The following GRIN3A variants were observed in gnomAD, a reference collection of about 807,000 sequenced individuals.
The protein encoded by GRIN3A is glutamate ionotropic receptor NMDA type subunit 3A.
GRIN3A carries 47 observed loss-of-function variants against 92.4 expected under a neutral mutation model. The ratio of observed to expected loss-of-function variants is 0.51; its 90% CI spans 0.40 to 0.65. The LOEUF (loss-of-function observed/expected upper bound fraction) is 0.65. GRIN3A is among the 30% of genes least tolerant of loss of function. The pLI, the probability that GRIN3A is intolerant of heterozygous loss-of-function variation, is 0.00. For synonymous variants in GRIN3A, 527 were observed against 540.6 expected, an observed-to-expected ratio of 0.97 and a Z score of 0.35; for missense variants, 1,324 against 1,393.1, an observed-to-expected ratio of 0.95 and a Z score of 0.79.
chr9:101,676,946 C>T (rs553379712), intron 2 of GRIN3A, among the ~76,000 whole-genome samples: 8 of 150,914 alleles, frequency 5.3e-5, no homozygotes, highest in East Asian at 2.0e-4. Context: ...ATATCTACGA[C>T]GAATCTTCTA....
intron 3 of GRIN3A, among the ~76,000 whole-genome samples, chr9:101,648,990 T>A (rs73500929): frequency 0.089 from 13,534 of 152,044 alleles, 875 homozygotes; most frequent in East Asian, 0.22. Context: ...TGTCATTGTT[T>A]CCCCATCAGA....
At chr9:101,607,527 C>T (rs1311528575) in intron 6 of GRIN3A, among the ~76,000 whole-genome samples, 1 of 152,170 alleles carries the variant, frequency 6.6e-6, no homozygotes, top group Non-Finnish European at 1.5e-5. Flanking sequence ...GGTTCTTCCA[C>T]ACTGTGCCTT....
At chr9:101,635,142 T>G (rs925601797) in intron 3 of GRIN3A, among the ~76,000 whole-genome samples, 1 of 152,228 alleles carries the variant, frequency 6.6e-6, no homozygotes, top group African/African-American at 2.4e-5. Context: ...TTAGGTCAGC[T>G]AATCTCTAGT....
intron 1 of GRIN3A, among the ~76,000 whole-genome samples, chr9:101,706,004 A>G (rs1347295646): frequency 6.6e-6 from 1 of 152,192 alleles, no homozygotes; most frequent in East Asian, 1.9e-4. Context: ...AAAAAAAACG[A>G]GAAGCAAGAA....
intron 2 of GRIN3A, among the ~76,000 whole-genome samples, chr9:101,685,531 CAGA>C (rs1829522999): frequency 6.6e-6 from 1 of 151,710 alleles, no homozygotes; most frequent in Admixed American, 6.6e-5. Context: ...GGTCCTTTTT[CAGA>C]AGAAAGTCTA....
intron 3 of GRIN3A, among the ~76,000 whole-genome samples, chr9:101,660,327 T>C (rs1167910709): frequency 6.6e-6 from 1 of 151,846 alleles, no homozygotes; most frequent in Non-Finnish European, 1.5e-5. Context: ...ATATACAATG[T>C]CCTGGCTCAA....
intron 1 of GRIN3A, among the ~76,000 whole-genome samples, chr9:101,712,768 A>T (rs548994422): frequency 2.0e-5 from 3 of 152,346 alleles, no homozygotes; most frequent in Admixed American, 6.5e-5. Flanking sequence ...AAAATATGAG[A>T]TCGTTATTCC....
At chr9:101,682,673 TTAAC>T (rs1352330556) in intron 2 of GRIN3A, among the ~76,000 whole-genome samples, 1 of 152,226 alleles carries the variant, frequency 6.6e-6, no homozygotes, top group South Asian at 2.1e-4. Context: ...ATTGCTCCAA[TTAAC>T]TAACATTTAA....
At chr9:101,638,706 A>G (rs1178716579) in intron 3 of GRIN3A, among the ~76,000 whole-genome samples, 2 of 152,240 alleles carry the variant, frequency 1.3e-5, no homozygotes, top group Non-Finnish European at 2.9e-5. Context: ...TAGCTAACCA[A>G]CTTCTATAAG....
chr9:101,679,025 A>AT (rs1829435300), intron 2 of GRIN3A, among the ~76,000 whole-genome samples: 1 of 152,156 alleles, frequency 6.6e-6, no homozygotes, highest in Non-Finnish European at 1.5e-5. Context: ...AACTCAATTC[A>AT]TTCTGGCTCT....
chr9:101,671,096 T>C lies in GRIN3A; in HGVS notation c.1316A>G (p.Asn439Ser). 2 of 1,612,988 alleles carry C rather than the reference T, an allele frequency of 1.2e-6. No homozygotes were observed. Among genetic ancestry groups the C allele is most frequent in the Non-Finnish European group, 1.7e-6 (2 of 1,179,004 alleles). The change falls in exon 3 of 9, where the codon AAT becomes AGT. Residue 439 changes from asparagine (N) to serine (S), a missense_variant. Asn to Ser is a conservative substitution (Grantham distance 46). Transcript: ENST00000361820. ...SGQYLSRFLA[N>S]TTFRGLSGSI... ...ACCACTGAGGCCTCTGAAAGTGGTA[T>C]TGGCTAGAAACCTGGGAAAGAGGAG...
chr9:101,714,437 A>C (rs1008904341), intron 1 of GRIN3A, among the ~76,000 whole-genome samples: 6 of 152,234 alleles, frequency 3.9e-5, no homozygotes, highest in Non-Finnish European at 7.3e-5. Context: ...CTTACAGGAT[A>C]TAGAACAAAA....
At chr9:101,716,863 C>T (rs973520301) in intron 1 of GRIN3A, among the ~76,000 whole-genome samples, 1 of 152,120 alleles carries the variant, frequency 6.6e-6, no homozygotes, top group Non-Finnish European at 1.5e-5. Context: ...TTAAAAAAAT[C>T]CAGTCTGGCT....
rs1017813438 is a variant in GRIN3A, at chr9:101,571,801, C to G, written c.*1373G>C. On this transcript the variant is annotated 3_prime_UTR_variant, in exon 9 of 9. Transcript: ENST00000361820. The stretch of plus-strand genomic sequence containing the variant: ...TTGGTTAACAGTAGGTTTCTGAGCT[C>G]ACCTCTAGACCTCCACCCCCAACCC... The G allele has an allele frequency of 2.6e-5, 4 of 152,146 alleles. No homozygotes were observed. Among genetic ancestry groups the G allele is most frequent in the Non-Finnish European group, 5.9e-5 (4 of 68,058 alleles). 9.4% of individuals were successfully genotyped at this position (152,146 alleles called of 1,614,324 possible).
intron 1 of GRIN3A, among the ~76,000 whole-genome samples, chr9:101,733,271 C>T (rs957993220): frequency 6.6e-6 from 1 of 152,154 alleles, no homozygotes; most frequent in Non-Finnish European, 1.5e-5. Flanking sequence ...AAACTAATTG[C>T]TCAATAAATG....
intron 2 of GRIN3A, among the ~76,000 whole-genome samples, chr9:101,677,971 A>G (rs898916657): frequency 6.6e-6 from 1 of 152,116 alleles, no homozygotes; most frequent in South Asian, 2.1e-4. Flanking sequence ...GACCTACTCC[A>G]GATTTGGAGA....
intron 2 of GRIN3A, among the ~76,000 whole-genome samples, chr9:101,682,692 A>G (rs1422486190): frequency 6.6e-6 from 1 of 152,254 alleles, no homozygotes; most frequent in Non-Finnish European, 1.5e-5. Context: ...ATTTAAAAAA[A>G]CAACTTGTAG....
intron 2 of GRIN3A, among the ~76,000 whole-genome samples, chr9:101,679,722 A>G (rs1316854888): frequency 1.3e-5 from 2 of 152,178 alleles, no homozygotes; most frequent in Non-Finnish European, 2.9e-5. Flanking sequence ...AGAGTTAGGT[A>G]TACTGGATCA....
chr9:101,627,578 T>G (rs986450990), intron 4 of GRIN3A, among the ~76,000 whole-genome samples: 1 of 152,160 alleles, frequency 6.6e-6, no homozygotes, highest in Middle Eastern at 3.2e-3. Flanking sequence ...CTCACCCTCA[T>G]GTCTTCCTGT....
Sources: allele counts gnomAD v4.1 joint callset (sites outside exome capture counted in the v4.1 genomes callset), GRCh38; gene constraint gnomAD v4.1.1; transcripts MANE v1.5; gene names NCBI Gene and HGNC (gene_info 2026-07-23, HGNC 2026-07-21).